CFTR: variants seen among roughly 807,000 people sequenced by gnomAD.
CFTR encodes the protein cystic fibrosis transmembrane conductance regulator.
In CFTR, 181 loss-of-function variants were observed where a neutral mutation model predicts 171.6. The ratio of observed to expected loss-of-function variants is 1.05; its 90% CI spans 0.93 to 1.19. The LOEUF is 1.19. Among genes scored for constraint, CFTR ranks in the 50% most tolerant of loss-of-function variants. The probability of loss-of-function intolerance (pLI) is 0.00; values close to 1 mark genes in which losing one functional copy is unlikely to be tolerated. For missense variants in CFTR, 1,968 were observed against 1,734.7 expected (o/e 1.13, Z -2.39); for synonymous variants, 583 against 608.0 (o/e 0.96, Z 0.60).
intron 11 of CFTR, among the ~76,000 whole-genome samples, chr7:117,575,840 A>G (rs756025404): frequency 1.3e-5 from 2 of 152,128 alleles, no homozygotes; most frequent in Admixed American, 6.6e-5. Context: ...TGCAACCTGC[A>G]GGTCCTGGAC....
At chr7:117,594,060 T>C (rs1168247475) in intron 14 of CFTR, among the ~76,000 whole-genome samples, 3 of 152,212 alleles carry the variant, frequency 2.0e-5, no homozygotes, top group Non-Finnish European at 4.4e-5. Flanking sequence ...TCCCCACAAC[T>C]ACCCTGGAAG....
chr7:117,660,703 T>TATATATATACATATATAC (rs1562928035), intron 24 of CFTR, among the ~76,000 whole-genome samples: 2 of 151,344 alleles, frequency 1.3e-5, no homozygotes, highest in Non-Finnish European at 3.0e-5. Context: ...TACACACACA[T>TATATATATACATATATAC]ATATATATAC....
intron 9 of CFTR, among the ~76,000 whole-genome samples, chr7:117,545,120 A>G (rs1369407303): frequency 6.6e-6 from 1 of 152,236 alleles, no homozygotes; most frequent in African/African-American, 2.4e-5. Flanking sequence ...ATCATGGTGG[A>G]TGATGAAAGG....
chr7:117,591,870 A>G, intron 13 of CFTR, 64 bp from the exon 14 acceptor site: 31 of 1,045,624 alleles, frequency 3.0e-5, no homozygotes, highest in Non-Finnish European at 4.3e-5. Context: ...AAATGCTAAA[A>G]TACGAGACAT....
intron 12 of CFTR, among the ~76,000 whole-genome samples, chr7:117,589,961 A>G (rs541565746): frequency 2.0e-5 from 3 of 152,032 alleles, no homozygotes; most frequent in African/African-American, 7.2e-5. Flanking sequence ...AGCACATAGC[A>G]TGGTACTTGC....
intron 24 of CFTR, among the ~76,000 whole-genome samples, chr7:117,659,796 A>T (rs945476379): frequency 4.6e-5 from 7 of 152,234 alleles, no homozygotes; most frequent in African/African-American, 1.7e-4. Context: ...TGGCCTTTTA[A>T]GTTGAAAATT....
chr7:117,561,129 T>C (rs1753650827), intron 11 of CFTR, among the ~76,000 whole-genome samples: 1 of 152,098 alleles, frequency 6.6e-6, no homozygotes, highest in South Asian at 2.1e-4. Flanking sequence ...AATGAGCATT[T>C]ACTAATTTCT....
chr7:117,493,192 A>T (rs1759570782), intron 1 of CFTR, among the ~76,000 whole-genome samples: 1 of 152,056 alleles, frequency 6.6e-6, no homozygotes, highest in African/African-American at 2.4e-5. Context: ...AATTATCATC[A>T]TTTGTGCTTT....
At chr7:117,546,277 C>T (rs1302181820) in intron 9 of CFTR, among the ~76,000 whole-genome samples, 4 of 151,990 alleles carry the variant, frequency 2.6e-5, no homozygotes, top group African/African-American at 7.3e-5. Context: ...CAGGTGTGAG[C>T]CACCACGCCT....
chr7:117,609,462 C>T (rs1792349431), intron 18 of CFTR, among the ~76,000 whole-genome samples: 1 of 152,050 alleles, frequency 6.6e-6, no homozygotes, highest in African/African-American at 2.4e-5. Context: ...ATCCTTTCTG[C>T]AGACAGTTAC....
chr7:117,584,441 C>T (rs1470077843), intron 11 of CFTR, among the ~76,000 whole-genome samples: 1 of 152,124 alleles, frequency 6.6e-6, no homozygotes, highest in Middle Eastern at 3.4e-3. Context: ...CCTGTCCCCA[C>T]TTTATGTTTT....
chr7:117,556,480 T>C (rs1219436152), intron 10 of CFTR, among the ~76,000 whole-genome samples: 1 of 151,766 alleles, frequency 6.6e-6, no homozygotes, highest in African/African-American at 2.4e-5. Context: ...CGGTCCCTTA[T>C]GAGTTTTCTC....
chr7:117,576,646 G>T (rs1425425269), intron 11 of CFTR, among the ~76,000 whole-genome samples: 2 of 152,044 alleles, frequency 1.3e-5, no homozygotes, highest in African/African-American at 2.4e-5. Flanking sequence ...TAGGATTAGA[G>T]AATTTCCTCT....
chr7:117,665,646 T>G lies in CFTR; in HGVS notation c.4242+82T>G, dbSNP rs754012117. ...TCTCACATGTGATAGTTCCTGCAAA[T>G]TGCAACAATGTACAAGTTCTTTTCA... is the stretch of plus-strand genomic sequence containing the variant. On this transcript the variant is annotated intron_variant, in intron 26 of 26. Transcript: ENST00000003084. 3 of 897,378 alleles carry G rather than the reference T, an allele frequency of 3.3e-6. No individual in the cohort carries two copies. In the African/African-American group the frequency reaches 4.9e-5, roughly 15 times the overall value. The allele number at this position is 897,378 out of a possible 1,614,324, so 55.6% of individuals were successfully genotyped here. A position where few individuals can be genotyped will look rare whatever the true frequency, so the allele number is the denominator to read the frequency against.
At chr7:117,501,073 T>G (rs187219986) in intron 1 of CFTR, among the ~76,000 whole-genome samples, 92 of 152,360 alleles carry the variant, frequency 6.0e-4, no homozygotes, top group Middle Eastern at 3.4e-3. Flanking sequence ...GATTTATTTT[T>G]ACATTTCTTG....
intron 5 of CFTR, 75 bp downstream of exon 5, chr7:117,534,440 G>A: frequency 2.4e-6 from 2 of 822,788 alleles, no homozygotes; most frequent in Non-Finnish European, 4.2e-6. Context: ...AGTTTTCCTG[G>A]GTCAGATAAT....
At chr7:117,610,786 CAAT>C (rs1792374183) in intron 19 of CFTR, 117 bp downstream of exon 19, 6 of 1,082,026 alleles carry the variant, frequency 5.5e-6, no homozygotes, top group East Asian at 2.6e-5. Context: ...CATCATATAA[CAAT>C]AATTTTTTTC....
chr7:117,650,306 C>G lies in CFTR; in HGVS notation c.3874-2536C>G, dbSNP rs1382673581. The stretch of plus-strand genomic sequence containing the variant: ...GATAATTAATTTTATTTGGGAAGAT[C>G]AGGGAGAAAGATAAGTCATGAATGA... On this transcript the variant is annotated intron_variant, in intron 23 of 26. Transcript: ENST00000003084. Among the ~76,000 whole-genome samples the G allele has an allele frequency of 2.0e-5, 3 of 152,058 alleles. No individual in the cohort carries two copies. In the East Asian group the frequency reaches 5.8e-4, roughly 29 times the overall value.
chr7:117,536,767 A>G, intron 7 of CFTR, 94 bp downstream of exon 7: 1 of 1,059,460 alleles, frequency 9.4e-7, no homozygotes, highest in Admixed American at 1.9e-5. Context: ...CTCATATTTG[A>G]TGTTTGTGAC....
Sources: gnomAD v4.1 joint callset for allele counts (sites outside exome capture counted in the v4.1 genomes callset) on GRCh38, gnomAD v4.1.1 for gene constraint, MANE v1.5 for transcripts, NCBI Gene and HGNC (gene_info 2026-07-23, HGNC 2026-07-21) for gene names.